UBXN7: variants seen among roughly 807,000 people sequenced by gnomAD.
The protein encoded by UBXN7 is UBX domain protein 7, also known as UBX domain-containing protein 7.
In UBXN7, 9 loss-of-function variants were observed where a neutral mutation model predicts 58.0. That is an observed-to-expected ratio of 0.16 (90% CI 0.09 to 0.27). UBXN7 has a LOEUF of 0.27. Among genes scored for constraint, UBXN7 ranks in the 10% least tolerant of loss-of-function variants. The pLI is 1.00. For missense variants in UBXN7, 328 were observed against 599.6 expected, an observed-to-expected ratio of 0.55 and a Z score of 4.73; for synonymous variants, 208 against 205.0, an observed-to-expected ratio of 1.01 and a Z score of -0.12.
intron 7 of UBXN7, among the ~76,000 whole-genome samples, chr3:196,368,490 T>C (rs1728730487): frequency 1.3e-5 from 2 of 152,208 alleles, no homozygotes; most frequent in South Asian, 4.1e-4. Context: ...ATCTAGGATC[T>C]TTCTGAACAT....
intron 8 of UBXN7, among the ~76,000 whole-genome samples, chr3:196,364,274 C>T (rs989191048): frequency 4.6e-5 from 7 of 151,980 alleles, no homozygotes; most frequent in Admixed American, 2.0e-4. Flanking sequence ...GGAAAGAAAT[C>T]GTAAGATAAT....
chr3:196,399,241 A>G (rs1729879947), intron 3 of UBXN7, among the ~76,000 whole-genome samples: 1 of 152,262 alleles, frequency 6.6e-6, no homozygotes, highest in Non-Finnish European at 1.5e-5. Context: ...ATCAGGATTT[A>G]ATGAAATTAA....
rs113072565 is a variant in UBXN7 at position 196,423,983 on chromosome 3, G to A, written c.73+8344C>T. 7.8e-3 allele frequency among the ~76,000 whole-genome samples: 1,166 copies of A among 149,814 alleles called. 19 individuals are homozygous for A. Among genetic ancestry groups the A allele is most frequent in the African/African-American group, 0.027 (1,100 of 40,638 alleles). On this transcript the variant is annotated intron_variant, in intron 1 of 10. Coordinates refer to ENST00000296328, the MANE Select transcript of UBXN7 (RefSeq NM_015562.2). ...TGGCTCTCTGCAACCTCTGACTCCC[G>A]GGTTCCAGCGATTCACCTGCCTCAG... is the stretch of plus-strand genomic sequence containing the variant.
chr3:196,387,212 T>C (rs929087561), intron 5 of UBXN7, among the ~76,000 whole-genome samples: 9 of 152,296 alleles, frequency 5.9e-5, no homozygotes, highest in Non-Finnish European at 1.0e-4. Flanking sequence ...TAATAAATGG[T>C]GCTGGGAAAA....
At chr3:196,413,879 T>C (rs770119149) in intron 1 of UBXN7, among the ~76,000 whole-genome samples, 2 of 152,166 alleles carry the variant, frequency 1.3e-5, no homozygotes, top group South Asian at 2.1e-4. Context: ...AGATTACTTA[T>C]AGCACCTAAT....
At chr3:196,379,745 C>T (rs1560225580) in intron 5 of UBXN7, among the ~76,000 whole-genome samples, 2 of 152,160 alleles carry the variant, frequency 1.3e-5, no homozygotes, top group Non-Finnish European at 2.9e-5. Context: ...GGGGTATCTT[C>T]GGTATCATCC....
At chr3:196,387,705 C>A (rs1446059907) in intron 5 of UBXN7, among the ~76,000 whole-genome samples, 1 of 152,184 alleles carries the variant, frequency 6.6e-6, no homozygotes, top group Non-Finnish European at 1.5e-5. Context: ...CTCATCATCA[C>A]TGGTCATCAG....
At chr3:196,370,857 C>CAAAAAAAAAA (rs11347018) in intron 6 of UBXN7, among the ~76,000 whole-genome samples, 1 of 86,338 alleles carries the variant, frequency 1.2e-5, no homozygotes, top group Non-Finnish European at 2.3e-5. Flanking sequence ...CCCATCTCTA[C>CAAAAAAAAAA]AAAAAAAAAA....
chr3:196,432,046 G>A, intron 1 of UBXN7: 1 of 570,620 alleles, frequency 1.8e-6, no homozygotes, highest in Non-Finnish European at 3.2e-6. Context: ...GGCGGGGGCG[G>A]ACGGACTCGG....
chr3:196,399,340 G>T (rs566812518), intron 3 of UBXN7, among the ~76,000 whole-genome samples: 1 of 151,670 alleles, frequency 6.6e-6, no homozygotes, highest in Non-Finnish European at 1.5e-5. Context: ...GTCTCAATAC[G>T]TTGCCCAGGC....
Position 196,356,696 on chromosome 3 carries a change from C to T in UBXN7, c.1459G>A (p.Glu487Lys), listed in dbSNP as rs1475616981. The T allele has an allele frequency of 8.1e-6, 13 of 1,599,126 alleles. No individual in the cohort carries two copies. Among genetic ancestry groups the T allele is most frequent in the Non-Finnish European group, 1.1e-5 (13 of 1,176,744 alleles). ...GTCAAGCCATGGTGTTAATTTCTTT[C>T]CTGTACAAAGACAGTCTCTTGAGGA... ...LCPQETVFVQERN is the reference protein window; with the variant it reads ...LCPQETVFVQKRN Residue 487 changes from glutamate to lysine, a missense_variant, in exon 11 of 11, where the codon GAA becomes AAA. This residue lies in a region of UBXN7 where 30 missense variants were observed against 94.8 expected (regional missense o/e 0.32). Coordinates refer to ENST00000296328, the MANE Select transcript of UBXN7 (RefSeq NM_015562.2).
intron 10 of UBXN7, among the ~76,000 whole-genome samples, chr3:196,357,784 G>A (rs1430387925): frequency 1.3e-5 from 2 of 152,118 alleles, no homozygotes; most frequent in African/African-American, 4.8e-5. Flanking sequence ...TTGAACCTGG[G>A]AGGCTGAGGT....
At chr3:196,394,615 AAAG>A (rs1729713689) in intron 3 of UBXN7, among the ~76,000 whole-genome samples, 1 of 152,170 alleles carries the variant, frequency 6.6e-6, no homozygotes, top group African/African-American at 2.4e-5. Context: ...AAAAAAAAAA[AAAG>A]TTTACTATCT....
chr3:196,431,773 G>A (rs1228107345), intron 1 of UBXN7: 1 of 447,230 alleles, frequency 2.2e-6, no homozygotes, highest in South Asian at 1.6e-5. Flanking sequence ...TAAAGGCACG[G>A]CCGAACCCAC....
chr3:196,431,843 G>A, intron 1 of UBXN7: 1 of 388,930 alleles, frequency 2.6e-6, no homozygotes, highest in Non-Finnish European at 5.2e-6. Flanking sequence ...ATGGCTCCGA[G>A]GGGCCCAGAA....
intron 2 of UBXN7, 137 bp downstream of exon 2, chr3:196,407,109 T>C: frequency 3.2e-6 from 4 of 1,232,006 alleles, no homozygotes; most frequent in Non-Finnish European, 4.4e-6. Flanking sequence ...ACTACAAAAA[T>C]TTCCACTTCA....
chr3:196,402,744 T>C (rs1730031411), intron 3 of UBXN7, among the ~76,000 whole-genome samples: 1 of 152,246 alleles, frequency 6.6e-6, no homozygotes, highest in South Asian at 2.1e-4. Context: ...GTCCCTCCTT[T>C]TGGCATTTTC....
intron 4 of UBXN7, 126 bp downstream of exon 4, chr3:196,393,428 T>G: frequency 1.1e-6 from 1 of 870,888 alleles, no homozygotes; most frequent in Non-Finnish European, 1.7e-6. Flanking sequence ...AATCACATTC[T>G]GGATCCATAA....
At chr3:196,422,966 C>T (rs1314394050) in intron 1 of UBXN7, among the ~76,000 whole-genome samples, 1 of 152,168 alleles carries the variant, frequency 6.6e-6, no homozygotes, top group Non-Finnish European at 1.5e-5. Flanking sequence ...GAATCTCAAA[C>T]ACAATAGTTT....
Sources: allele counts gnomAD v4.1 joint callset (sites outside exome capture counted in the v4.1 genomes callset), GRCh38; gene constraint gnomAD v4.1.1; regional missense constraint gnomAD v4.1.1; transcripts MANE v1.5; gene names NCBI Gene and HGNC (gene_info 2026-07-23, HGNC 2026-07-21).